The following PLCB1 variants were observed in gnomAD, a reference collection of about 807,000 sequenced individuals.
PLCB1 encodes the protein 1-phosphatidylinositol 4,5-bisphosphate phosphodiesterase beta-1.
PLCB1 carries 46 observed loss-of-function variants against 161.8 expected under a neutral mutation model. The observed-to-expected ratio is 0.28, with a 90% CI of 0.22 to 0.36. The LOEUF (loss-of-function observed/expected upper bound fraction) is 0.36. Among genes scored for constraint, PLCB1 ranks in the 10% least tolerant of loss-of-function variants. PLCB1 has a pLI of 1.00. For missense variants in PLCB1, 1,016 were observed against 1,472.5 expected (o/e 0.69, Z 5.07); for synonymous variants, 517 against 503.7 (o/e 1.03, Z -0.35).
intron 9 of PLCB1, among the ~76,000 whole-genome samples, chr20:8,662,452 A>G (rs1214149205): frequency 1.0e-5 from 1 of 98,356 alleles, no homozygotes; most frequent in African/African-American, 3.5e-5. Flanking sequence ...TGTTATGTAT[A>G]ATTATTATAT....
At chr20:8,557,012 A>AAATT (rs1447502484) in intron 3 of PLCB1, among the ~76,000 whole-genome samples, 2 of 126,288 alleles carry the variant, frequency 1.6e-5, no homozygotes, top group African/African-American at 3.5e-5. Flanking sequence ...ATAAATAAAT[A>AAATT]AAATAAATAA....
rs561835113 is a variant in PLCB1 at position 8,738,321 on chromosome 20, A to G, written c.2209-940A>G. On this transcript the variant is annotated intron_variant, in intron 20 of 31. Transcript: ENST00000338037. ...CCACCAACAGTGTAAAAGTGTTCCT[A>G]TTTCTCCACATCCTCTCCAGCACCT... Among the ~76,000 whole-genome samples the G allele has an allele frequency of 2.4e-3, 371 of 152,238 alleles. 1 individual carries two copies. The highest frequency in any genetic ancestry group is 8.5e-3 in the African/African-American group (354 of 41,536).
At chr20:8,324,958 A>G (rs779259311) in intron 2 of PLCB1, among the ~76,000 whole-genome samples, 33 of 152,358 alleles carry the variant, frequency 2.2e-4, no homozygotes, top group Non-Finnish European at 3.4e-4. Flanking sequence ...TGAAAATACT[A>G]AAGTTTTTGA....
At chr20:8,637,988 G>T (rs1308451019) in intron 4 of PLCB1, among the ~76,000 whole-genome samples, 1 of 152,168 alleles carries the variant, frequency 6.6e-6, no homozygotes, top group African/African-American at 2.4e-5. Context: ...CTGCCTCCTG[G>T]GCTCACCCGC....
chr20:8,650,400 C>T lies in PLCB1; in HGVS notation c.594+951C>T, dbSNP rs192576056. On this transcript the variant is annotated intron_variant, in intron 7 of 31. Transcript: ENST00000338037. ...ATGACCCAAAAATTGCCACTCCTAT[C>T]ATAGAAATTTCTGTATTAACCACCC... 2.0e-5 allele frequency among the ~76,000 whole-genome samples: 3 copies of T among 152,304 alleles called. No individual in the cohort carries two copies. In the East Asian group the frequency reaches 5.8e-4, roughly 29 times the overall value.
chr20:8,670,575 T>TAAC, intron 9 of PLCB1, among the ~76,000 whole-genome samples: 1 of 152,254 alleles, frequency 6.6e-6, no homozygotes, highest in South Asian at 2.1e-4. Context: ...CAAGATGGAA[T>TAAC]AACAATATAT....
At chr20:8,176,463 C>A (rs1230776176) in intron 2 of PLCB1, among the ~76,000 whole-genome samples, 5 of 152,124 alleles carry the variant, frequency 3.3e-5, no homozygotes, top group Admixed American at 2.6e-4. Flanking sequence ...AATTTTGTGT[C>A]TGTAAAGTGT....
chr20:8,165,187 A>G (rs187413508), intron 2 of PLCB1, among the ~76,000 whole-genome samples: 109 of 152,336 alleles, frequency 7.2e-4, no homozygotes, highest in African/African-American at 2.5e-3. Context: ...CTTGAGAAAC[A>G]TGGGGAAAAT....
chr20:8,193,430 A>AAG (rs2051991057), intron 2 of PLCB1, among the ~76,000 whole-genome samples: 1 of 151,962 alleles, frequency 6.6e-6, no homozygotes, highest in Non-Finnish European at 1.5e-5. Flanking sequence ...GGAGAAGAAA[A>AAG]AGAGGAGGAG....
At chr20:8,142,604 C>T (rs1208597299) in intron 1 of PLCB1, among the ~76,000 whole-genome samples, 2 of 152,146 alleles carry the variant, frequency 1.3e-5, no homozygotes, top group African/African-American at 4.8e-5. Context: ...AAAATATGCT[C>T]ACCCATACAC....
chr20:8,626,760 C>G (rs1988361985), intron 3 of PLCB1, among the ~76,000 whole-genome samples: 1 of 152,054 alleles, frequency 6.6e-6, no homozygotes, highest in Non-Finnish European at 1.5e-5. Context: ...CAAAAAGAAC[C>G]CCACAAAATT....
chr20:8,297,577 C>T (rs1238145084), intron 2 of PLCB1, among the ~76,000 whole-genome samples: 1 of 151,982 alleles, frequency 6.6e-6, no homozygotes, highest in Non-Finnish European at 1.5e-5. Context: ...AAGTAATAAT[C>T]GTTATAACCA....
chr20:8,571,184 C>G (rs957209425), intron 3 of PLCB1, among the ~76,000 whole-genome samples: 2 of 152,094 alleles, frequency 1.3e-5, no homozygotes, highest in Admixed American at 6.5e-5. Context: ...TTTTAGAAAT[C>G]TGTTTGGGAG....
intron 7 of PLCB1, 31 bp downstream of exon 7, chr20:8,649,480 T>A (rs1484668030): frequency 4.0e-6 from 6 of 1,486,934 alleles, no homozygotes; most frequent in Middle Eastern, 3.4e-4. Context: ...ATAGTTTGAA[T>A]GTTCAGCCCC....
Position 8,681,101 on chromosome 20 carries a change from T to A in PLCB1, c.863-3831T>A, listed in dbSNP as rs893425655. On this transcript the variant is annotated intron_variant, in intron 9 of 31. Coordinates refer to ENST00000338037, the MANE Select transcript of PLCB1 (RefSeq NM_015192.4). ...ATGTGTGTGTGTATATATATATATATATATATATATATATATATAATATAT... is the reference window on the plus strand; with the variant it reads ...ATGTGTGTGTGTATATATATATATAAATATATATATATATATATAATATAT... Among the ~76,000 whole-genome samples, 1,168 of 129,950 alleles carry A rather than the reference T, an allele frequency of 9.0e-3. 29 individuals carry two copies. The highest frequency in any genetic ancestry group is 0.019 in the Middle Eastern group (5 of 264). 85.3% of individuals were successfully genotyped at this position (129,950 alleles called of 152,430 possible). A position where few individuals can be genotyped will look rare whatever the true frequency, so the allele number is the denominator to read the frequency against.
rs1160260242 is a variant in PLCB1 at position 8,882,526 on chromosome 20, G to A, written c.*677G>A. ...CCCAGTGAAGCCATCCTAAGACTTA[G>A]CAATATGGATTGTACATTTGGCTGC... On this transcript the variant is annotated 3_prime_UTR_variant, in exon 32 of 32. Coordinates refer to ENST00000338037, the MANE Select transcript of PLCB1 (RefSeq NM_015192.4). 6.5e-6 allele frequency: 1 copy of A among 152,948 alleles called. No individual in the cohort carries two copies. Among genetic ancestry groups the A allele is most frequent in the Admixed American group, 6.5e-5 (1 of 15,316 alleles). The allele number at this position is 152,948 out of a possible 1,614,324, so 9.5% of individuals were successfully genotyped here.
chr20:8,166,721 C>CAA (rs1427356678), intron 2 of PLCB1, among the ~76,000 whole-genome samples: 6 of 152,138 alleles, frequency 3.9e-5, no homozygotes, highest in African/African-American at 1.4e-4. Context: ...TCTTCCTTAA[C>CAA]ACCTTCTTTT....
chr20:8,161,497 A>C (rs141665955), intron 2 of PLCB1, among the ~76,000 whole-genome samples: 1 of 152,364 alleles, frequency 6.6e-6, no homozygotes, highest in Non-Finnish European at 1.5e-5. Flanking sequence ...GTGGCAGTGC[A>C]GTCTGGCTCT....
chr20:8,207,273 A>G (rs982409530), intron 2 of PLCB1, among the ~76,000 whole-genome samples: 3 of 152,224 alleles, frequency 2.0e-5, no homozygotes, highest in African/African-American at 4.8e-5. Context: ...TCTAATAAAT[A>G]CAGTGAATGA....
Sources: allele counts gnomAD v4.1 joint callset (sites outside exome capture counted in the v4.1 genomes callset), GRCh38; gene constraint gnomAD v4.1.1; transcripts MANE v1.5; gene names NCBI Gene and HGNC (gene_info 2026-07-23, HGNC 2026-07-21).